The following SYT1 variants were observed in gnomAD, a reference collection of about 807,000 sequenced individuals.
SYT1 encodes the protein synaptotagmin 1.
In SYT1, 8 loss-of-function variants were observed where a neutral mutation model predicts 44.8. That is an observed-to-expected ratio of 0.18 (90% CI 0.10 to 0.32). SYT1 has a LOEUF of 0.32. Among genes scored for constraint, SYT1 ranks in the 10% least tolerant of loss-of-function variants. The pLI, the probability that SYT1 is intolerant of heterozygous loss-of-function variation, is 1.00. For synonymous variants in SYT1, 154 were observed against 188.8 expected, an observed-to-expected ratio of 0.82 and a Z score of 1.51; for missense variants, 286 against 509.3, an observed-to-expected ratio of 0.56 and a Z score of 4.22.
chr12:79,002,557 A>G (rs1024125960), intron 2 of SYT1, among the ~76,000 whole-genome samples: 1 of 151,926 alleles, frequency 6.6e-6, no homozygotes, highest in African/African-American at 2.4e-5. Context: ...TTTGACCTCA[A>G]TTTCGGTATC....
At chr12:78,899,997 G>A (rs1479965441) in intron 1 of SYT1, among the ~76,000 whole-genome samples, 1 of 151,956 alleles carries the variant, frequency 6.6e-6, no homozygotes, top group African/African-American at 2.4e-5. Context: ...ACTCCTTATT[G>A]AAAGTAAAGT....
At chr12:79,000,184 T>A (rs1245510293) in intron 2 of SYT1, among the ~76,000 whole-genome samples, 1 of 151,938 alleles carries the variant, frequency 6.6e-6, no homozygotes, top group Non-Finnish European at 1.5e-5. Context: ...AGCTAAGCAG[T>A]GGAAGGATTA....
chr12:79,180,961 G>A lies in SYT1; in HGVS notation c.-17-36542G>A, dbSNP rs961458139. 2.0e-5 allele frequency among the ~76,000 whole-genome samples: 3 copies of A among 152,122 alleles called. No individual in the cohort carries two copies. The East Asian group carries it at 5.8e-4, about 30-fold the overall frequency. On this transcript the variant is annotated intron_variant, in intron 3 of 10. Transcript: ENST00000261205. ...CTCATGATAGCGAGTGAGTTCTCTC[G>A]AGAGCTGATGGTTTTATAAGGTGAT... is the stretch of plus-strand genomic sequence containing the variant.
At chr12:78,868,939 T>C (rs1424995839) in intron 1 of SYT1, 1 of 151,916 alleles carries the variant, frequency 6.6e-6, no homozygotes, top group Non-Finnish European at 1.5e-5. Flanking sequence ...ATCATATTTT[T>C]ACATGATTTA....
At chr12:79,300,789 T>TTTTATATATATATATATA (rs1490670835) in intron 8 of SYT1, among the ~76,000 whole-genome samples, 1,293 of 89,232 alleles carry the variant, frequency 0.014, 17 homozygotes, top group East Asian at 0.022. Flanking sequence ...TGTATACTTA[T>TTTTATATATATATATATA]TATATATATA....
chr12:79,387,532 G>T (rs572442929), intron 9 of SYT1, among the ~76,000 whole-genome samples: 2 of 152,260 alleles, frequency 1.3e-5, no homozygotes, highest in South Asian at 2.1e-4. Context: ...ACTAAATGAG[G>T]TGTAGAACAT....
chr12:78,896,181 C>T (rs1237229051), intron 1 of SYT1, among the ~76,000 whole-genome samples: 1 of 151,656 alleles, frequency 6.6e-6, no homozygotes, highest in Admixed American at 6.6e-5. Context: ...AAAGTTTGAA[C>T]TGTATTATTC....
chr12:78,946,750 G>A (rs1181794882), intron 1 of SYT1, among the ~76,000 whole-genome samples: 1 of 151,838 alleles, frequency 6.6e-6, no homozygotes, highest in Non-Finnish European at 1.5e-5. Context: ...AAAACCTGGA[G>A]CAATTCTTAA....
chr12:78,891,906 A>G (rs950630025), intron 1 of SYT1, among the ~76,000 whole-genome samples: 2 of 151,916 alleles, frequency 1.3e-5, no homozygotes, highest in Admixed American at 6.6e-5. Flanking sequence ...AGCACTGATA[A>G]GCTCAAGTGC....
intron 3 of SYT1, among the ~76,000 whole-genome samples, chr12:79,053,558 A>G (rs1411941829): frequency 6.7e-6 from 1 of 149,380 alleles, no homozygotes; most frequent in Non-Finnish European, 1.5e-5. Context: ...ATTCTTATGT[A>G]TAAAATAATG....
intron 10 of SYT1, among the ~76,000 whole-genome samples, chr12:79,444,531 A>G (rs1271970565): frequency 3.9e-5 from 6 of 152,198 alleles, no homozygotes; most frequent in South Asian, 2.1e-4. Context: ...AGCTTTCACT[A>G]TTTACTCCCA....
intron 1 of SYT1, among the ~76,000 whole-genome samples, chr12:78,874,352 G>T (rs571059083): frequency 6.6e-6 from 1 of 151,576 alleles, no homozygotes; most frequent in Non-Finnish European, 1.5e-5. Context: ...AGAGGTAGAG[G>T]TACCCAAAAG....
intron 1 of SYT1, among the ~76,000 whole-genome samples, chr12:78,875,876 T>C (rs1874040746): frequency 6.6e-6 from 1 of 151,706 alleles, no homozygotes; most frequent in African/African-American, 2.4e-5. Flanking sequence ...TTTTCTTTTA[T>C]TCTGTATATT....
intron 2 of SYT1, among the ~76,000 whole-genome samples, chr12:79,035,510 G>A (rs1479852419): frequency 6.6e-6 from 1 of 151,700 alleles, no homozygotes; most frequent in Non-Finnish European, 1.5e-5. Flanking sequence ...TGCAGCATCA[G>A]AATCTGTGTA....
At chr12:79,140,316 C>T (rs758363790) in intron 3 of SYT1, among the ~76,000 whole-genome samples, 5 of 152,138 alleles carry the variant, frequency 3.3e-5, no homozygotes, top group East Asian at 1.9e-4. Context: ...TGGTAGATAA[C>T]GCAGAATCAT....
At chr12:78,946,442 G>A (rs1215014268) in intron 1 of SYT1, among the ~76,000 whole-genome samples, 1 of 152,112 alleles carries the variant, frequency 6.6e-6, no homozygotes, top group East Asian at 1.9e-4. Context: ...ATCACTTGAG[G>A]TCAGGAGTTC....
chr12:79,291,408 T>C (rs1484711386), intron 5 of SYT1, among the ~76,000 whole-genome samples: 1 of 152,218 alleles, frequency 6.6e-6, no homozygotes, highest in African/African-American at 2.4e-5. Flanking sequence ...AAATTGGAAG[T>C]GGGGTGAACT....
chr12:79,287,767 G>T (rs1879383089), intron 5 of SYT1, among the ~76,000 whole-genome samples: 1 of 152,042 alleles, frequency 6.6e-6, no homozygotes, highest in African/African-American at 2.4e-5. Context: ...CCCCTGTTAT[G>T]ACCTGGATAA....
At chr12:79,000,853 T>C (rs1264516497) in intron 2 of SYT1, among the ~76,000 whole-genome samples, 1 of 152,182 alleles carries the variant, frequency 6.6e-6, no homozygotes, top group East Asian at 1.9e-4. Context: ...CATCAATATC[T>C]GTTGATCAAA....
Sources: allele counts gnomAD v4.1 joint callset (sites outside exome capture counted in the v4.1 genomes callset), GRCh38; gene constraint gnomAD v4.1.1; transcripts MANE v1.5; gene names NCBI Gene and HGNC (gene_info 2026-07-23, HGNC 2026-07-21).